The following RAPGEF4 variants were observed in gnomAD, a reference collection of about 807,000 sequenced individuals.
RAPGEF4 encodes RAP guanine-nucleotide-exchange factor (GEF) 4.
Under a neutral mutation model 147.9 loss-of-function variants are expected in RAPGEF4, and 66 were observed. The ratio of observed to expected loss-of-function variants is 0.45; its 90% CI spans 0.37 to 0.55. The LOEUF (loss-of-function observed/expected upper bound fraction) is 0.55, where lower values mean the gene tolerates loss of function less well. Ranked by LOEUF, RAPGEF4 falls within the 20% of genes least tolerant of loss-of-function variation. RAPGEF4 has a pLI of 0.00. For synonymous variants in RAPGEF4, 419 were observed against 442.7 expected, an observed-to-expected ratio of 0.95 and a Z score of 0.67; for missense variants, 1,071 against 1,257.3, an observed-to-expected ratio of 0.85 and a Z score of 2.24.
intron 4 of RAPGEF4, chr2:172,821,662 A>G (rs1490138667): frequency 1.3e-5 from 13 of 1,038,466 alleles, no homozygotes; most frequent in African/African-American, 1.0e-4. Flanking sequence ...TGTGTCTTCA[A>G]GCTTTTCCAT....
At chr2:172,833,185 CAG>C (rs1690548577) in intron 4 of RAPGEF4, among the ~76,000 whole-genome samples, 1 of 130,478 alleles carries the variant, frequency 7.7e-6, no homozygotes, top group South Asian at 2.4e-4. Flanking sequence ...GCCTGGGCGA[CAG>C]AGCGAGACTC....
chr2:173,047,160 T>C (rs570378626), intron 29 of RAPGEF4, among the ~76,000 whole-genome samples: 221 of 152,294 alleles, frequency 1.5e-3, no homozygotes, highest in Non-Finnish European at 2.6e-3. Flanking sequence ...ACATACATAG[T>C]GACCAGGAGT....
chr2:172,797,216 T>C (rs992201132), intron 2 of RAPGEF4, among the ~76,000 whole-genome samples: 1 of 152,244 alleles, frequency 6.6e-6, no homozygotes, highest in Non-Finnish European at 1.5e-5. Flanking sequence ...TTGGGAAATA[T>C]CAGCCAATTC....
chr2:172,938,192 T>C (rs1386445728), intron 6 of RAPGEF4, among the ~76,000 whole-genome samples: 1 of 149,672 alleles, frequency 6.7e-6, no homozygotes, highest in African/African-American at 2.5e-5. Flanking sequence ...TCCTAACCTG[T>C]GCATATACAC....
intron 29 of RAPGEF4, among the ~76,000 whole-genome samples, chr2:173,047,462 A>G (rs1685619438): frequency 6.6e-6 from 1 of 152,202 alleles, no homozygotes; most frequent in African/African-American, 2.4e-5. Context: ...TTAAAATGCA[A>G]ATGGCATGGA....
intron 4 of RAPGEF4, among the ~76,000 whole-genome samples, chr2:172,876,461 G>T (rs1695936058): frequency 6.6e-6 from 1 of 152,212 alleles, no homozygotes; most frequent in East Asian, 1.9e-4. Context: ...AGCATGAAGG[G>T]CTGTTGAATT....
At chr2:172,927,917 A>G (rs1489999310) in intron 6 of RAPGEF4, among the ~76,000 whole-genome samples, 1 of 152,208 alleles carries the variant, frequency 6.6e-6, no homozygotes, top group Non-Finnish European at 1.5e-5. Context: ...CCAGGGTACA[A>G]AACTTTAATA....
intron 4 of RAPGEF4, among the ~76,000 whole-genome samples, chr2:172,823,056 C>T (rs538491510): frequency 6.6e-6 from 1 of 152,180 alleles, no homozygotes; most frequent in Non-Finnish European, 1.5e-5. Context: ...AAAAAATACT[C>T]TAAGAAAGAT....
Position 172,867,292 on chromosome 2 carries a change from T to TA in RAPGEF4, c.445-50502dup, listed in dbSNP as rs368171399. Among the ~76,000 whole-genome samples the TA allele has an allele frequency of 1.5e-3, 229 of 152,000 alleles. 1 individual carries two copies. The highest frequency in any genetic ancestry group is 4.8e-3 in the African/African-American group (198 of 41,450). The stretch of plus-strand genomic sequence containing the variant: ...CCAGCCAAAAACTGCTTATTAAAAA[T>TA]AAAAAAAACCTTTGACTGTCTGTAT... On this transcript the variant is annotated intron_variant, in intron 4 of 30. Transcript: ENST00000397081.
intron 8 of RAPGEF4, among the ~76,000 whole-genome samples, chr2:172,962,856 C>T (rs2105473777): frequency 6.6e-6 from 1 of 152,254 alleles, no homozygotes; most frequent in Non-Finnish European, 1.5e-5. Context: ...TTCTCCAACA[C>T]CAGAAGTTGA....
intron 10 of RAPGEF4, among the ~76,000 whole-genome samples, chr2:172,981,680 A>G (rs1449394531): frequency 1.3e-5 from 2 of 152,216 alleles, no homozygotes; most frequent in African/African-American, 4.8e-5. Flanking sequence ...TCTTTTGTTC[A>G]CGTTAAAACT....
chr2:173,034,851 TGACAGAGTGC>T (rs1258971292), intron 27 of RAPGEF4, among the ~76,000 whole-genome samples: 1 of 146,994 alleles, frequency 6.8e-6, no homozygotes, highest in Non-Finnish European at 1.5e-5. Flanking sequence ...CCAGCCTGGG[TGACAGAGTGC>T]GACCCCGTCT....
At position 173,014,416 on chromosome 2, in the gene RAPGEF4, G is replaced by T. The variant is rs367593706; in HGVS notation, c.1659-48G>T. 3.9e-5 allele frequency: 62 copies of T among 1,609,988 alleles called. 1 individual carries two copies. The African/African-American group carries it at 7.6e-4, about 20-fold the overall frequency. On this transcript the variant is annotated intron_variant, in intron 17 of 30. Coordinates refer to ENST00000397081, the MANE Select transcript of RAPGEF4 (RefSeq NM_007023.4). ...CACTCTTTACCTTTGAAAGTAGCAT[G>T]TGAAATGAGTGTGAAATGGCTCAAT...
intron 25 of RAPGEF4, among the ~76,000 whole-genome samples, chr2:173,029,275 T>C (rs1334919707): frequency 6.6e-6 from 1 of 152,240 alleles, no homozygotes; most frequent in Non-Finnish European, 1.5e-5. Context: ...TTCAAAAATG[T>C]TAATCCAAAC....
chr2:172,782,884 G>A, intron 1 of RAPGEF4, among the ~76,000 whole-genome samples: 1 of 152,170 alleles, frequency 6.6e-6, no homozygotes, highest in East Asian at 1.9e-4. Context: ...GGTGACCTGA[G>A]GCTGAGGGTG....
At chr2:172,859,767 CT>C (rs1693819227) in intron 4 of RAPGEF4, among the ~76,000 whole-genome samples, 1 of 152,140 alleles carries the variant, frequency 6.6e-6, no homozygotes, top group South Asian at 2.1e-4. Flanking sequence ...GAATTCTGGG[CT>C]GAAAAACTGG....
chr2:172,947,791 T>C (rs1038011310), intron 6 of RAPGEF4, among the ~76,000 whole-genome samples: 3 of 152,216 alleles, frequency 2.0e-5, no homozygotes, highest in Non-Finnish European at 4.4e-5. Flanking sequence ...TCAAGCTTTT[T>C]CTTCTGAGTT....
intron 4 of RAPGEF4, among the ~76,000 whole-genome samples, chr2:172,913,955 G>C (rs1440665960): frequency 6.6e-6 from 1 of 152,092 alleles, no homozygotes; most frequent in Non-Finnish European, 1.5e-5. Flanking sequence ...AGATCTTTAT[G>C]TATATTCACA....
At chr2:172,975,791 C>T (rs1156735930) in intron 10 of RAPGEF4, among the ~76,000 whole-genome samples, 1 of 152,244 alleles carries the variant, frequency 6.6e-6, no homozygotes, top group African/African-American at 2.4e-5. Context: ...GTTATACTAT[C>T]TGACTCCATC....
Sources: gnomAD v4.1 joint callset for allele counts (sites outside exome capture counted in the v4.1 genomes callset) on GRCh38, gnomAD v4.1.1 for gene constraint, MANE v1.5 for transcripts, NCBI Gene and HGNC (gene_info 2026-07-23, HGNC 2026-07-21) for gene names.